Variants in WDR70 observed in about 807,000 individuals in gnomAD.
The protein encoded by WDR70 is WD repeat domain 70, also known as WD repeat-containing protein 70.
WDR70 carries 53 observed loss-of-function variants against 88.6 expected under a neutral mutation model. The observed-to-expected ratio is 0.60, with a 90% CI of 0.48 to 0.75. WDR70 has a LOEUF of 0.75. WDR70 is among the 30% of genes least tolerant of loss of function. WDR70 has a pLI of 0.00. For missense variants in WDR70, 610 were observed against 823.2 expected, an observed-to-expected ratio of 0.74 and a Z score of 3.17; for synonymous variants, 280 against 270.0, an observed-to-expected ratio of 1.04 and a Z score of -0.36.
chr5:37,528,759 G>A (rs1741386960), intron 9 of WDR70, among the ~76,000 whole-genome samples: 2 of 152,224 alleles, frequency 1.3e-5, no homozygotes, highest in Non-Finnish European at 2.9e-5. Context: ...CCCACTCTGT[G>A]GGTTGTCTGT....
chr5:37,627,013 T>A (rs767373431), intron 10 of WDR70, among the ~76,000 whole-genome samples: 2 of 152,278 alleles, frequency 1.3e-5, no homozygotes, highest in Non-Finnish European at 2.9e-5. Flanking sequence ...CTTTTTTTCT[T>A]TTTTTCTGAG....
intron 10 of WDR70, among the ~76,000 whole-genome samples, chr5:37,676,030 CTGTT>C (rs1248973352): frequency 5.0e-4 from 74 of 147,696 alleles, no homozygotes; most frequent in African/African-American, 1.5e-3. Flanking sequence ...ATTTGGCTCT[CTGTT>C]TGTCTGTTAT....
intron 10 of WDR70, among the ~76,000 whole-genome samples, chr5:37,673,996 G>C (rs960980205): frequency 6.6e-6 from 1 of 151,836 alleles, no homozygotes; most frequent in Non-Finnish European, 1.5e-5. Context: ...TATGTACCAC[G>C]TTTTCTTTAT....
At chr5:37,544,124 A>G (rs1162193060) in intron 9 of WDR70, among the ~76,000 whole-genome samples, 6 of 152,126 alleles carry the variant, frequency 3.9e-5, no homozygotes, top group Admixed American at 3.3e-4. Context: ...GTTTCTGCCT[A>G]TTAGTGCTGG....
intron 10 of WDR70, chr5:37,688,008 G>A (rs1746665388): frequency 1.5e-6 from 1 of 656,010 alleles, no homozygotes; most frequent in Non-Finnish European, 2.8e-6. Context: ...AACTTTTAAG[G>A]TTCTTTATCT....
chr5:37,657,132 T>C (rs565177617), intron 10 of WDR70, among the ~76,000 whole-genome samples: 112 of 152,290 alleles, frequency 7.4e-4, no homozygotes, highest in African/African-American at 2.7e-3. Flanking sequence ...GTTGTAGGCA[T>C]CTGAGGGAAT....
At position 37,465,415 on chromosome 5, in the gene WDR70, T is replaced by G. The variant is rs191726597; in HGVS notation, c.687-14419T>G. 2.8e-4 allele frequency among the ~76,000 whole-genome samples: 42 copies of G among 152,310 alleles called. No individual in the cohort carries two copies. In the East Asian group the frequency reaches 7.9e-3, roughly 29 times the overall value. ...AAATTAGTACTCTGGAATCAGTACA[T>G]TAAGAATGGTTTTTTAAAAACTATC... On this transcript the variant is annotated intron_variant, in intron 7 of 17. Transcript: ENST00000265107.
intron 13 of WDR70, among the ~76,000 whole-genome samples, chr5:37,717,520 T>G (rs1305867891): frequency 6.6e-6 from 1 of 152,242 alleles, no homozygotes; most frequent in Admixed American, 6.5e-5. Context: ...AAAGAAGCAC[T>G]TCTTCAAGAA....
intron 13 of WDR70, among the ~76,000 whole-genome samples, chr5:37,705,914 C>T (rs551989225): frequency 3.9e-5 from 6 of 152,268 alleles, no homozygotes; most frequent in South Asian, 4.1e-4. Context: ...TAATTGGTTA[C>T]GCTCTTCCCA....
In WDR70 at chr5:37,722,907, ACT is replaced by A. The variant is rs746435893; in HGVS notation, c.1573_1574del (p.Leu525AsnfsTer16). 5 of 1,613,566 alleles carry A rather than the reference ACT, an allele frequency of 3.1e-6. No homozygotes were observed. Among genetic ancestry groups the A allele is most frequent in the South Asian group, 1.1e-5 (1 of 91,074 alleles). The stretch of plus-strand genomic sequence containing the variant: ...CCAGCGGAAGGCAAAACAAGCTGAG[ACT>A]CTAACTCAGGACTACATCATCACCC... ...KTQRKAKQAETLTQDYIITPH... is the reference protein window; with the variant it reads ...KTQRKAKQAEXLTQDYIITPH... On this transcript the variant is annotated frameshift_variant, in exon 15 of 18. Transcript: ENST00000265107. LOFTEE classifies it high-confidence loss of function.
intron 10 of WDR70, among the ~76,000 whole-genome samples, chr5:37,639,667 A>G (rs1054829060): frequency 9.9e-5 from 15 of 151,638 alleles, no homozygotes; most frequent in African/African-American, 3.6e-4. Flanking sequence ...GAGGGCAATG[A>G]CTCTTTTGGC....
intron 7 of WDR70, among the ~76,000 whole-genome samples, chr5:37,460,739 A>G (rs571836735): frequency 6.6e-6 from 1 of 151,728 alleles, no homozygotes; most frequent in Admixed American, 6.6e-5. Flanking sequence ...CAAAAAGAAA[A>G]CAGCAGGTTG....
intron 9 of WDR70, among the ~76,000 whole-genome samples, chr5:37,521,584 C>T (rs112747561): frequency 5.3e-5 from 8 of 152,046 alleles, no homozygotes; most frequent in East Asian, 1.9e-4. Context: ...TGAGAAGATG[C>T]GATGTTTGGT....
At chr5:37,433,022 C>T (rs1157655070) in intron 5 of WDR70, among the ~76,000 whole-genome samples, 3 of 152,094 alleles carry the variant, frequency 2.0e-5, no homozygotes, top group African/African-American at 7.2e-5. Flanking sequence ...TTGATTATCT[C>T]TTTTGATGCC....
At chr5:37,404,642 T>G (rs1308282385) in intron 5 of WDR70, among the ~76,000 whole-genome samples, 1 of 152,194 alleles carries the variant, frequency 6.6e-6, no homozygotes, top group Admixed American at 6.5e-5. Flanking sequence ...AATCATATTC[T>G]CAGAAGGGCC....
chr5:37,656,638 C>A (rs1187036737), intron 10 of WDR70, among the ~76,000 whole-genome samples: 1 of 152,204 alleles, frequency 6.6e-6, no homozygotes, highest in Non-Finnish European at 1.5e-5. Flanking sequence ...TTCAGAGATG[C>A]CCTGCCCAGA....
intron 5 of WDR70, among the ~76,000 whole-genome samples, chr5:37,425,881 A>T (rs1196689264): frequency 6.6e-6 from 1 of 152,194 alleles, no homozygotes; most frequent in East Asian, 1.9e-4. Flanking sequence ...CAGGATGAGC[A>T]GAGTTTGGAG....
chr5:37,494,679 G>A (rs1288122412), intron 8 of WDR70, among the ~76,000 whole-genome samples: 1 of 152,206 alleles, frequency 6.6e-6, no homozygotes, highest in Admixed American at 6.5e-5. Flanking sequence ...AATATTGAGA[G>A]TTCAGGATTT....
chr5:37,493,856 A>C (rs1055626371), intron 8 of WDR70, among the ~76,000 whole-genome samples: 1 of 140,788 alleles, frequency 7.1e-6, no homozygotes, highest in Non-Finnish European at 1.5e-5. Flanking sequence ...TTTGAGATGG[A>C]GTCTCACTCT....
Sources: gnomAD v4.1 joint callset for allele counts (sites outside exome capture counted in the v4.1 genomes callset) on GRCh38, gnomAD v4.1.1 for gene constraint, MANE v1.5 for transcripts, NCBI Gene and HGNC (gene_info 2026-07-23, HGNC 2026-07-21) for gene names.